Variants in TOGARAM2 observed in about 807,000 individuals in gnomAD.
TOGARAM2 encodes TOG array regulator of axonemal microtubules protein 2.
TOGARAM2 carries 85 observed loss-of-function variants against 93.3 expected under a neutral mutation model. That is an observed-to-expected ratio of 0.91 (90% CI 0.76 to 1.09). The LOEUF (loss-of-function observed/expected upper bound fraction) is 1.09. Among genes scored for constraint, TOGARAM2 ranks in the 50% least tolerant of loss-of-function variants. TOGARAM2 has a pLI of 0.00. For missense variants in TOGARAM2, 1,277 were observed against 1,334.5 expected (o/e 0.96, Z 0.67); for synonymous variants, 593 against 552.8 (o/e 1.07, Z -1.02).
At chr2:28,997,554 C>T (rs116726761) in intron 2 of TOGARAM2, among the ~76,000 whole-genome samples, 45 of 152,122 alleles carry the variant, frequency 3.0e-4, no homozygotes, top group Admixed American at 1.0e-3. Context: ...ATCTCTGTGT[C>T]GCGGATAGAG....
chr2:29,047,184 G>C (rs549935444), intron 19 of TOGARAM2: 3 of 152,848 alleles, frequency 2.0e-5, no homozygotes, highest in Non-Finnish European at 2.9e-5. Flanking sequence ...GGGAAGGCAG[G>C]TGCGAGTGAG....
chr2:29,012,618 G>A (rs1664321743), intron 7 of TOGARAM2, among the ~76,000 whole-genome samples: 1 of 152,188 alleles, frequency 6.6e-6, no homozygotes, highest in Non-Finnish European at 1.5e-5. Flanking sequence ...CTGTGGCAGG[G>A]GCAGGCTGCT....
At chr2:29,005,618 CAT>C (rs569113416) in intron 6 of TOGARAM2, among the ~76,000 whole-genome samples, 226 of 21,524 alleles carry the variant, frequency 0.01, 17 homozygotes, top group African/African-American at 0.02. Context: ...CATGTGAGTG[CAT>C]GTGTGGAGTG....
intron 11 of TOGARAM2, among the ~76,000 whole-genome samples, 157 bp downstream of exon 11, chr2:29,022,465 G>A (rs189301350): frequency 2.0e-5 from 3 of 152,166 alleles, no homozygotes; most frequent in African/African-American, 7.2e-5. Context: ...CATGCATATA[G>A]ATATGTGTGT....
chr2:28,962,480 T>A (rs1671815510), intron 1 of TOGARAM2, among the ~76,000 whole-genome samples: 1 of 152,108 alleles, frequency 6.6e-6, no homozygotes, highest in South Asian at 2.1e-4. Flanking sequence ...AGCCTACATA[T>A]TTACTCGTGA....
In TOGARAM2 at chr2:29,014,268, G is replaced by T. The variant is rs777870658; in HGVS notation, c.878-127G>T. ...TGCCCTGTACAGTAAACCTAACTCA[G>T]GTCTTGCTCCATTGAGGAAGAATTG... is the stretch of plus-strand genomic sequence containing the variant. On this transcript the variant is annotated intron_variant, in intron 7 of 19. Coordinates refer to ENST00000379558, the MANE Select transcript of TOGARAM2 (RefSeq NM_199280.4). 4 of 1,144,706 alleles carry T rather than the reference G, an allele frequency of 3.5e-6. No homozygotes were observed. In the African/African-American group the frequency reaches 6.2e-5, roughly 18 times the overall value. 70.9% of individuals were successfully genotyped at this position (1,144,706 alleles called of 1,614,324 possible). A position where few individuals can be genotyped will look rare whatever the true frequency, so the allele number is the denominator to read the frequency against.
intron 18 of TOGARAM2, among the ~76,000 whole-genome samples, chr2:29,045,007 T>C (rs1359615230): frequency 6.6e-6 from 1 of 152,128 alleles, no homozygotes; most frequent in Non-Finnish European, 1.5e-5. Flanking sequence ...TCTATCTACC[T>C]ACCTACCTAC....
chr2:29,015,579 C>G (rs1344965258), intron 8 of TOGARAM2, among the ~76,000 whole-genome samples: 7 of 152,210 alleles, frequency 4.6e-5, no homozygotes, highest in Non-Finnish European at 4.4e-5. Context: ...TCTCTCTTCT[C>G]TCCTTTGTCC....
intron 1 of TOGARAM2, among the ~76,000 whole-genome samples, chr2:28,990,424 G>A (rs935787230): frequency 6.6e-6 from 1 of 152,082 alleles, no homozygotes; most frequent in Non-Finnish European, 1.5e-5. Context: ...AGCAAGCCCC[G>A]ACCCTCTCAC....
chr2:28,961,027 T>C (rs1321730112), intron 1 of TOGARAM2, among the ~76,000 whole-genome samples: 1 of 151,956 alleles, frequency 6.6e-6, no homozygotes, highest in Non-Finnish European at 1.5e-5. Flanking sequence ...TTTTTTTTGG[T>C]TTGAGTATGA....
chr2:29,022,480 G>A (rs764770073), intron 11 of TOGARAM2, among the ~76,000 whole-genome samples, 172 bp downstream of exon 11: 16 of 152,328 alleles, frequency 1.1e-4, no homozygotes, highest in Admixed American at 2.6e-4. Flanking sequence ...GTGTGTTTAT[G>A]TGCGTGTGTG....
At position 29,002,595 on chromosome 2, in the gene TOGARAM2, G is replaced by A. The variant is rs531879377; in HGVS notation, c.487G>A (p.Ala163Thr). 2.5e-6 allele frequency: 4 copies of A among 1,613,988 alleles called. No homozygotes were observed. Among genetic ancestry groups the A allele is most frequent in the African/African-American group, 1.3e-5 (1 of 75,058 alleles). ...GVPLHSTIPR[A>T]TSQRLLRVPR... The stretch of plus-strand genomic sequence containing the variant: ...TCCCCTGCACAGCACCATCCCCCGA[G>A]CCACCTCTCAGAGGCTGCTGAGGGT... Residue 163 changes from alanine to threonine, a missense_variant, in exon 5 of 20, where the codon GCC becomes ACC. By Grantham distance (58) the Ala-to-Thr change is moderately conservative. Coordinates refer to ENST00000379558, the MANE Select transcript of TOGARAM2 (RefSeq NM_199280.4).
intron 1 of TOGARAM2, among the ~76,000 whole-genome samples, chr2:28,991,030 GT>G: frequency 7.1e-6 from 1 of 141,040 alleles, no homozygotes; most frequent in Non-Finnish European, 1.5e-5. Context: ...GTGTGTGTGT[GT>G]GTGTGTGTGG....
chr2:29,038,383 G>A (rs1039445132), intron 18 of TOGARAM2, among the ~76,000 whole-genome samples: 1 of 152,182 alleles, frequency 6.6e-6, no homozygotes, highest in East Asian at 1.9e-4. Flanking sequence ...GGAATGGAAT[G>A]GTGTGGCCCT....
intron 18 of TOGARAM2, among the ~76,000 whole-genome samples, chr2:29,042,974 A>G (rs376879600): frequency 5.3e-5 from 8 of 152,364 alleles, no homozygotes; most frequent in African/African-American, 1.9e-4. Flanking sequence ...ATCCTTGACC[A>G]AAGCACAGCC....
At position 29,004,953 on chromosome 2, in the gene TOGARAM2, C is replaced by T. The variant is rs1457932122; in HGVS notation, c.830+1271C>T. On this transcript the variant is annotated intron_variant, in intron 6 of 19. Transcript: ENST00000379558. ...GAGTGCATGTGTGTGCATGTGTGTG[C>T]ATGTGTATGTGTGTGAGTGCATGTG... is the stretch of plus-strand genomic sequence containing the variant. 1.0e-4 allele frequency among the ~76,000 whole-genome samples: 12 copies of T among 114,742 alleles called. 2 individuals are homozygous for T. The East Asian group carries it at 3.5e-3, about 33-fold the overall frequency. 75.3% of individuals were successfully genotyped at this position (114,742 alleles called of 152,430 possible).
chr2:29,024,116 A>G (rs1346247522), intron 12 of TOGARAM2, 23 bp from the exon 13 acceptor site: 2 of 1,552,012 alleles, frequency 1.3e-6, no homozygotes, highest in Non-Finnish European at 8.7e-7. Context: ...AGCACCCTGG[A>G]GGGCCTCTCT....
In TOGARAM2 at chr2:28,998,207, G is replaced by A. The variant is rs558599950; in HGVS notation, c.93G>A (p.Arg31=). The A allele has an allele frequency of 3.1e-6, 5 of 1,612,432 alleles. No homozygotes were observed. The African/African-American group carries it at 6.7e-5, about 21-fold the overall frequency. The change falls in exon 3 of 20, where the codon CGG becomes CGA. Residue 31 remains arginine, a synonymous_variant. Transcript: ENST00000379558. ...GSIPRTSAGP[R]VLPPGSINSS... is the part of the protein sequence containing the mutation. ...TCCCTCGGACCAGTGCTGGGCCCCG[G>A]GTGCTCCCGCCTGGAAGCATCAACT...
rs762297949 is a variant in TOGARAM2, at chr2:29,014,566, C to T, written c.1044+5C>T. The T allele has an allele frequency of 2.6e-6, 4 of 1,562,878 alleles. No homozygotes were observed. The East Asian group carries it at 7.1e-5, about 28-fold the overall frequency. On this transcript the variant is annotated splice_donor_5th_base_variant and intron_variant, in intron 8 of 19. Transcript: ENST00000379558. ...CAGAAGGAGATCGGCACCAAGGTAC[C>T]TGGGGAGCGGGAGGAGGAGGAAGTG...
Sources: gnomAD v4.1 joint callset for allele counts (sites outside exome capture counted in the v4.1 genomes callset) on GRCh38, gnomAD v4.1.1 for gene constraint, MANE v1.5 for transcripts, NCBI Gene and HGNC (gene_info 2026-07-23, HGNC 2026-07-21) for gene names.